The following PCDHA6 variants were observed in gnomAD, a reference collection of about 807,000 sequenced individuals.
The protein encoded by PCDHA6 is protocadherin alpha-6.
PCDHA6 carries 55 observed loss-of-function variants against 60.3 expected under a neutral mutation model. The observed-to-expected ratio is 0.91, with a 90% CI of 0.73 to 1.14. The LOEUF (loss-of-function observed/expected upper bound fraction) is 1.14. Among genes scored for constraint, PCDHA6 ranks in the 50% most tolerant of loss-of-function variants. The pLI, the probability that PCDHA6 is intolerant of heterozygous loss-of-function variation, is 0.00. For missense variants in PCDHA6, 1,327 were observed against 1,256.5 expected (o/e 1.06, Z -0.85); for synonymous variants, 652 against 557.9 (o/e 1.17, Z -2.38).
Position 141,011,543 on chromosome 5 carries a change from G to T in PCDHA6, c.*1606G>T, listed in dbSNP as rs1478395558. The stretch of plus-strand genomic sequence containing the variant: ...TTTTAACCATTGTTAATCAGCTTTT[G>T]TGTATGAAAGACACAGTAAAATTTC... On this transcript the variant is annotated 3_prime_UTR_variant, in exon 4 of 4. Coordinates refer to ENST00000529310, the MANE Select transcript of PCDHA6 (RefSeq NM_018909.4). 1.3e-5 allele frequency: 2 copies of T among 153,468 alleles called. No individual in the cohort carries two copies. Among genetic ancestry groups the T allele is most frequent in the African/African-American group, 4.8e-5 (2 of 41,376 alleles). The allele number at this position is 153,468 out of a possible 1,614,324, so 9.5% of individuals were successfully genotyped here. A position where few individuals can be genotyped will look rare whatever the true frequency, so the allele number is the denominator to read the frequency against.
Position 140,971,633 on chromosome 5 carries a change from T to A in PCDHA6, c.2395-7316T>A, listed in dbSNP as rs540754440. 2.0e-5 allele frequency among the ~76,000 whole-genome samples: 3 copies of A among 152,294 alleles called. No individual in the cohort carries two copies. The South Asian group carries it at 6.2e-4, about 32-fold the overall frequency. On this transcript the variant is annotated intron_variant, in intron 1 of 3. Transcript: ENST00000529310. ...GAGTCCTGGGGTACAATTAGTACCA[T>A]GTGCCTACATTAAAAGTAGATGGGA...
intron 1 of PCDHA6, chr5:140,928,948 A>G: frequency 1.2e-6 from 2 of 1,614,032 alleles, no homozygotes; most frequent in Non-Finnish European, 1.7e-6. Flanking sequence ...GTATTTAGTA[A>G]TTGCCTTGGC....
chr5:140,928,712 GT>G (rs782592622), intron 1 of PCDHA6: 1 of 1,614,168 alleles, frequency 6.2e-7, no homozygotes, highest in Non-Finnish European at 8.5e-7. Context: ...TCTGACTCTA[GT>G]CTCTTTAGAA....
chr5:140,839,977 T>C (rs1329730797), intron 1 of PCDHA6, among the ~76,000 whole-genome samples: 1 of 152,062 alleles, frequency 6.6e-6, no homozygotes, highest in Non-Finnish European at 1.5e-5. Context: ...ATGACTCCTA[T>C]TGGAAAGTGG....
intron 1 of PCDHA6, among the ~76,000 whole-genome samples, chr5:140,917,286 C>T (rs155803): frequency 0.32 from 46,630 of 146,510 alleles, 7,654 homozygotes; most frequent in East Asian, 0.52. Context: ...GACGCTTTTC[C>T]GTGTGCAGAT....
intron 1 of PCDHA6, chr5:140,870,461 C>A (rs1554164294): frequency 6.8e-6 from 11 of 1,614,128 alleles, no homozygotes; most frequent in Non-Finnish European, 9.3e-6. Context: ...AATGCGCCTG[C>A]GTTCGCACAG....
In PCDHA6 at chr5:140,882,158, C is replaced by T. The variant is rs2058980027; in HGVS notation, c.2394+51673C>T. ...GAAAATATAGCAGAAAGCGGAATAC[C>T]TCTTGCGAATCCTTCCGCACTAGGA... On this transcript the variant is annotated intron_variant, in intron 1 of 3. Coordinates refer to ENST00000529310, the MANE Select transcript of PCDHA6 (RefSeq NM_018909.4). The T allele has an allele frequency of 4.6e-6, 7 of 1,507,380 alleles. No homozygotes were observed. The South Asian group carries it at 8.2e-5, about 18-fold the overall frequency. 93.4% of individuals were successfully genotyped at this position (1,507,380 alleles called of 1,614,324 possible). A position where few individuals can be genotyped will look rare whatever the true frequency, so the allele number is the denominator to read the frequency against.
chr5:140,870,527 C>T, intron 1 of PCDHA6: 1 of 1,614,236 alleles, frequency 6.2e-7, no homozygotes, highest in Non-Finnish European at 8.5e-7. Context: ...CACATCTTCA[C>T]AGTGTCGGCG....
chr5:140,914,185 C>G (rs1183431482), intron 1 of PCDHA6, among the ~76,000 whole-genome samples: 1 of 152,130 alleles, frequency 6.6e-6, no homozygotes, highest in Non-Finnish European at 1.5e-5. Flanking sequence ...AATTCTCCAC[C>G]TATTATTGTA....
chr5:140,982,596 G>A, intron 3 of PCDHA6, 33 bp downstream of exon 3: 2 of 1,609,850 alleles, frequency 1.2e-6, no homozygotes, highest in South Asian at 2.2e-5. Flanking sequence ...TTCTTTCTTG[G>A]TTTCTGGAAA....
chr5:140,829,811 G>T lies in PCDHA6; in HGVS notation c.1720G>T (p.Gly574Cys), dbSNP rs1554132272. Reference protein sequence around the residue: ...ALLAPRVGGTGGAVSELVPRS... With the variant: ...ALLAPRVGGTCGAVSELVPRS... ...GCTGGCGCCTCGGGTGGGTGGTACT[G>T]GTGGTGCAGTGAGCGAGCTGGTGCC... Residue 574 changes from glycine to cysteine, a missense_variant, in exon 1 of 4, where the codon GGT becomes TGT. Coordinates refer to ENST00000529310, the MANE Select transcript of PCDHA6 (RefSeq NM_018909.4). 1 of 1,613,910 alleles carries T rather than the reference G, an allele frequency of 6.2e-7. No individual in the cohort carries two copies. Among genetic ancestry groups the T allele is most frequent in the Non-Finnish European group, 8.5e-7 (1 of 1,179,882 alleles).
chr5:140,899,654 G>C (rs1429177993), intron 1 of PCDHA6, among the ~76,000 whole-genome samples: 1 of 152,158 alleles, frequency 6.6e-6, no homozygotes, highest in African/African-American at 2.4e-5. Context: ...ATTTGGTTGT[G>C]TCTCTGCCCG....
chr5:140,841,068 A>G (rs1247313079), intron 1 of PCDHA6: 1 of 487,112 alleles, frequency 2.1e-6, no homozygotes, highest in African/African-American at 1.9e-5. Flanking sequence ...TATGATAAAG[A>G]AATAGAAAGT....
Position 140,856,989 on chromosome 5 carries a change from C to T in PCDHA6, c.2394+26504C>T. 3.1e-6 allele frequency: 5 copies of T among 1,595,206 alleles called. 1 individual carries two copies. The highest frequency in any genetic ancestry group is 1.1e-5 in the South Asian group (1 of 90,500). ...GCTATTGACTTTGAGGACAGTAACA[C>T]TTATGAAATTCATGTAGATGTTACA... is the stretch of plus-strand genomic sequence containing the variant. On this transcript the variant is annotated intron_variant, in intron 1 of 3. Transcript: ENST00000529310.
At chr5:141,003,087 G>T (rs894210434) in intron 3 of PCDHA6, among the ~76,000 whole-genome samples, 2 of 152,198 alleles carry the variant, frequency 1.3e-5, no homozygotes, top group African/African-American at 4.8e-5. Context: ...AGTTTAACAG[G>T]CCTGGCATTT....
chr5:140,869,240 G>A (rs1262436049), intron 1 of PCDHA6: 1 of 1,613,514 alleles, frequency 6.2e-7, no homozygotes, highest in African/African-American at 1.3e-5. Context: ...ACCTTCGTGG[G>A]CCGCATCGCG....
At chr5:140,836,841 G>A in intron 1 of PCDHA6, 1 of 836,020 alleles carries the variant, frequency 1.2e-6, no homozygotes, top group South Asian at 2.1e-5. Context: ...ATAGCTTTAT[G>A]TATAATTATT....
chr5:140,886,786 A>C (rs2061126610), intron 1 of PCDHA6, among the ~76,000 whole-genome samples: 1 of 150,390 alleles, frequency 6.6e-6, no homozygotes, highest in East Asian at 2.0e-4. Context: ...AGATCATGCT[A>C]CTGTACTCCA....
At chr5:140,862,592 A>T (rs1554156626) in intron 1 of PCDHA6, 1 of 507,612 alleles carries the variant, frequency 2.0e-6, no homozygotes, top group Non-Finnish European at 4.0e-6. Context: ...CAGCCCGAGT[A>T]CATGGTGTTC....
Sources: gnomAD v4.1 joint callset for allele counts (sites outside exome capture counted in the v4.1 genomes callset) on GRCh38, gnomAD v4.1.1 for gene constraint, MANE v1.5 for transcripts, NCBI Gene and HGNC (gene_info 2026-07-23, HGNC 2026-07-21) for gene names.